The following P3H2 variants were observed in gnomAD, a reference collection of about 807,000 sequenced individuals.
P3H2 encodes prolyl 3-hydroxylase 2.
Under a neutral mutation model 87.0 loss-of-function variants are expected in P3H2, and 80 were observed. The observed-to-expected ratio is 0.92, with a 90% confidence interval of 0.77 to 1.11. P3H2 has a LOEUF of 1.11. Ranked by LOEUF, P3H2 falls within the 50% of genes least tolerant of loss-of-function variation. P3H2 has a pLI of 0.00. For missense variants in P3H2, 1,001 were observed against 923.9 expected, an observed-to-expected ratio of 1.08 and a Z score of -1.08; for synonymous variants, 367 against 359.3, an observed-to-expected ratio of 1.02 and a Z score of -0.24.
chr3:190,064,448 C>A (rs771225193), intron 1 of P3H2, among the ~76,000 whole-genome samples: 10 of 152,018 alleles, frequency 6.6e-5, no homozygotes, highest in Non-Finnish European at 1.5e-4. Flanking sequence ...AATCTCATCA[C>A]GGTATGACTC....
At chr3:189,964,736 T>C (rs1391576323) in intron 13 of P3H2, among the ~76,000 whole-genome samples, 2 of 152,266 alleles carry the variant, frequency 1.3e-5, no homozygotes, top group Non-Finnish European at 2.9e-5. Flanking sequence ...CGACACCCCT[T>C]GGAGTGGCCT....
At chr3:190,077,003 C>T (rs1726894672) in intron 1 of P3H2, among the ~76,000 whole-genome samples, 1 of 152,154 alleles carries the variant, frequency 6.6e-6, no homozygotes, top group Non-Finnish European at 1.5e-5. Context: ...TAAGCATCAC[C>T]TATCTACTGC....
chr3:190,031,444 T>C (rs1269854536), intron 1 of P3H2, among the ~76,000 whole-genome samples: 1 of 151,732 alleles, frequency 6.6e-6, no homozygotes, highest in African/African-American at 2.4e-5. Context: ...TCGAGACGAG[T>C]CTGGCCAACA....
rs1553869375 is a variant in P3H2 at position 189,957,700 on chromosome 3, A to AAGAGGGAG, written c.*211_*212insCTCCCTCT. On this transcript the variant is annotated 3_prime_UTR_variant, in exon 15 of 15. Coordinates refer to ENST00000319332, the MANE Select transcript of P3H2 (RefSeq NM_018192.4). Reference sequence around the variant, plus strand: ...AACATGGTTAGACCATGTCTCTAAGAAGAGAGAGAGAGAGAGAGAGAGAGA... The same window carrying AAGAGGGAG: ...AACATGGTTAGACCATGTCTCTAAGAAGAGGGAGAGAGAGAGAGAGAGAGAGAGAGAGA... The AAGAGGGAG allele has an allele frequency of 3.7e-6, 2 of 543,286 alleles. No homozygotes were observed. The highest frequency in any genetic ancestry group is 6.3e-5 in the Admixed American group (2 of 31,742). 33.7% of individuals were successfully genotyped at this position (543,286 alleles called of 1,614,324 possible).
intron 1 of P3H2, among the ~76,000 whole-genome samples, chr3:190,022,993 A>AT (rs1368885455): frequency 2.0e-5 from 3 of 151,504 alleles, no homozygotes; most frequent in Admixed American, 1.3e-4. Flanking sequence ...CGCCTGGCTA[A>AT]TTTTTTGTAT....
At chr3:190,108,842 G>A (rs57256553) in intron 1 of P3H2, among the ~76,000 whole-genome samples, 18,880 of 151,974 alleles carry the variant, frequency 0.12, 1,302 homozygotes, top group Middle Eastern at 0.21. Flanking sequence ...GATCTTTCTC[G>A]TTTGTTTTTG....
At position 190,120,411 on chromosome 3, in the gene P3H2, C is replaced by T. The variant is rs755902680; in HGVS notation, c.321G>A (p.Leu107=). The change falls in exon 1 of 15, where the codon CTG becomes CTA. Residue 107 remains leucine, a synonymous_variant. Coordinates refer to ENST00000319332, the MANE Select transcript of P3H2 (RefSeq NM_018192.4). ...GCCCCAACAAGGAGCGGAAAAGGGG[C>T]AGCTCAGCGCCGGGGCCCTCGCCGG... ...PPPGEGPGAE[L]PLFRSLLGRA... 2 of 1,515,642 alleles carry T rather than the reference C, an allele frequency of 1.3e-6. No homozygotes were observed. Among genetic ancestry groups the T allele is most frequent in the Non-Finnish European group, 8.8e-7 (1 of 1,138,592 alleles). 93.9% of individuals were successfully genotyped at this position (1,515,642 alleles called of 1,614,324 possible).
intron 1 of P3H2, among the ~76,000 whole-genome samples, chr3:190,114,910 C>T (rs1332102630): frequency 6.6e-6 from 1 of 152,128 alleles, no homozygotes; most frequent in Non-Finnish European, 1.5e-5. Flanking sequence ...TTCAGGAAAG[C>T]ATTTTTATTC....
At position 190,120,778 on chromosome 3, in the gene P3H2, G is replaced by A; in HGVS notation, c.-47C>T. 1 of 1,503,264 alleles carries A rather than the reference G, an allele frequency of 6.7e-7. No individual in the cohort carries two copies. Among genetic ancestry groups the A allele is most frequent in the Non-Finnish European group, 8.8e-7 (1 of 1,131,890 alleles). The allele number at this position is 1,503,264 out of a possible 1,614,324, so 93.1% of individuals were successfully genotyped here. A position where few individuals can be genotyped will look rare whatever the true frequency, so the allele number is the denominator to read the frequency against. On this transcript the variant is annotated 5_prime_UTR_variant, in exon 1 of 15. Coordinates refer to ENST00000319332, the MANE Select transcript of P3H2 (RefSeq NM_018192.4). ...GGACGGTTACGCTCGAGAGGGCTTC[G>A]GGGCACCTCGCGTCCGGGTCCCCTC...
At chr3:190,094,535 C>T (rs1727509456) in intron 1 of P3H2, among the ~76,000 whole-genome samples, 1 of 152,194 alleles carries the variant, frequency 6.6e-6, no homozygotes, top group Non-Finnish European at 1.5e-5. Context: ...ACAGGTTCCA[C>T]AGAACCCAGG....
intron 1 of P3H2, among the ~76,000 whole-genome samples, chr3:190,093,890 T>C (rs979411863): frequency 5.9e-5 from 9 of 152,228 alleles, no homozygotes; most frequent in South Asian, 2.1e-4. Flanking sequence ...TAAGTTTAAA[T>C]GGCTCACTGA....
intron 1 of P3H2, among the ~76,000 whole-genome samples, chr3:190,090,960 A>G (rs939605079): frequency 6.6e-6 from 1 of 151,886 alleles, no homozygotes; most frequent in East Asian, 1.9e-4. Context: ...CTTCTCATGT[A>G]TTATTTTTTT....
chr3:190,104,404 T>A (rs911143857), intron 1 of P3H2, among the ~76,000 whole-genome samples: 3 of 151,956 alleles, frequency 2.0e-5, no homozygotes, highest in Non-Finnish European at 4.4e-5. Flanking sequence ...CGCTCCCAAC[T>A]AGAGAGTGAG....
intron 1 of P3H2, among the ~76,000 whole-genome samples, chr3:190,087,305 G>A (rs574786095): frequency 3.3e-5 from 5 of 152,062 alleles, no homozygotes; most frequent in African/African-American, 1.2e-4. Flanking sequence ...GGGAGGCCGA[G>A]GAGGGCAAAT....
At chr3:189,975,661 C>T (rs117358847) in intron 8 of P3H2, among the ~76,000 whole-genome samples, 41 of 152,306 alleles carry the variant, frequency 2.7e-4, no homozygotes, top group East Asian at 1.5e-3. Context: ...GTCACCAACA[C>T]GTTGGCCTAA....
Position 189,991,293 on chromosome 3 carries a change from T to G in P3H2, c.824-2255A>C, listed in dbSNP as rs140356019. 4.4e-3 allele frequency among the ~76,000 whole-genome samples: 666 copies of G among 152,338 alleles called. 6 individuals are homozygous for G. The highest frequency in any genetic ancestry group is 0.015 in the African/African-American group (629 of 41,566). On this transcript the variant is annotated intron_variant, in intron 3 of 14. Transcript: ENST00000319332. ...TGAGTTGATTTTGGGTAACTGGGTG[T>G]GTCACAAATTGGTCATTCGTCACAT...
At chr3:190,041,572 G>A (rs1725637562) in intron 1 of P3H2, among the ~76,000 whole-genome samples, 1 of 152,124 alleles carries the variant, frequency 6.6e-6, no homozygotes. Flanking sequence ...AATGCTTAAG[G>A]AGAATAATAG....
intron 1 of P3H2, among the ~76,000 whole-genome samples, chr3:190,105,721 T>G (rs1190773649): frequency 6.6e-6 from 1 of 152,242 alleles, no homozygotes; most frequent in Non-Finnish European, 1.5e-5. Context: ...ACAGGTAGAC[T>G]GTTGGCTTGC....
intron 1 of P3H2, among the ~76,000 whole-genome samples, chr3:190,012,538 G>GCTTTGTTTCCCATTCTGTTTT: frequency 6.6e-6 from 1 of 152,224 alleles, no homozygotes; most frequent in East Asian, 1.9e-4. Flanking sequence ...CGGTCCTGAT[G>GCTTTGTTTCCCATTCTGTTTT]AATTTTGTCT....
Sources: gnomAD v4.1 joint callset for allele counts (sites outside exome capture counted in the v4.1 genomes callset) on GRCh38, gnomAD v4.1.1 for gene constraint, MANE v1.5 for transcripts, NCBI Gene and HGNC (gene_info 2026-07-23, HGNC 2026-07-21) for gene names.